ELAVL4: variants seen among roughly 807,000 people sequenced by gnomAD.
The protein encoded by ELAVL4 is ELAV-like protein 4.
In ELAVL4, 1 loss-of-function variant was observed where a neutral mutation model predicts 35.6. The ratio of observed to expected loss-of-function variants is 0.03; its 90% CI spans 0.01 to 0.13. ELAVL4 has a LOEUF of 0.13. Among genes scored for constraint, ELAVL4 ranks in the 10% least tolerant of loss-of-function variants. ELAVL4 has a pLI of 1.00. For missense variants in ELAVL4, 267 were observed against 464.9 expected, an observed-to-expected ratio of 0.57 and a Z score of 3.91; for synonymous variants, 156 against 171.0, an observed-to-expected ratio of 0.91 and a Z score of 0.69.
At chr1:50,143,778 G>T (rs990970724) in intron 1 of ELAVL4, among the ~76,000 whole-genome samples, 3 of 152,104 alleles carry the variant, frequency 2.0e-5, no homozygotes, top group Admixed American at 1.3e-4. Context: ...AGGAAATCCG[G>T]GTGCAGGCCT....
chr1:50,145,484 T>C (rs1200214626), intron 2 of ELAVL4, among the ~76,000 whole-genome samples: 3 of 152,236 alleles, frequency 2.0e-5, no homozygotes, highest in African/African-American at 4.8e-5. Flanking sequence ...CTTTGTTCTA[T>C]AGTTTCCAGT....
intron 1 of ELAVL4, among the ~76,000 whole-genome samples, chr1:50,127,988 G>T (rs188829670): frequency 8.4e-4 from 128 of 152,228 alleles, no homozygotes; most frequent in African/African-American, 2.7e-3. Context: ...AATGTCAAGA[G>T]CCCCCATTGG....
chr1:50,069,543 A>G (rs997149630), intron 1 of ELAVL4, among the ~76,000 whole-genome samples: 1 of 152,132 alleles, frequency 6.6e-6, no homozygotes, highest in African/African-American at 2.4e-5. Context: ...TGTTCAATAA[A>G]TATTTTTTGG....
chr1:50,074,262 G>A (rs367745449), intron 1 of ELAVL4, among the ~76,000 whole-genome samples: 37 of 152,086 alleles, frequency 2.4e-4, no homozygotes, highest in East Asian at 1.7e-3. Context: ...GTCTCTGACC[G>A]GTTCATTATT....
chr1:50,119,910 C>CA (rs1668736134), intron 1 of ELAVL4, among the ~76,000 whole-genome samples: 1 of 151,758 alleles, frequency 6.6e-6, no homozygotes, highest in African/African-American at 2.4e-5. Flanking sequence ...AAAGCTTAGC[C>CA]ACTTGACTAA....
At chr1:50,159,791 G>A (rs757835367) in intron 2 of ELAVL4, among the ~76,000 whole-genome samples, 25 of 152,190 alleles carry the variant, frequency 1.6e-4, no homozygotes, top group Non-Finnish European at 3.4e-4. Flanking sequence ...GGATAAATTT[G>A]AGGGTGGGAG....
chr1:50,053,087 G>C (rs1184586256), intron 1 of ELAVL4, among the ~76,000 whole-genome samples: 1 of 152,154 alleles, frequency 6.6e-6, no homozygotes, highest in African/African-American at 2.4e-5. Flanking sequence ...GTACCAGCTT[G>C]ATACTTGATC....
At chr1:50,198,710 G>A (rs1644213165) in intron 6 of ELAVL4, among the ~76,000 whole-genome samples, 1 of 152,302 alleles carries the variant, frequency 6.6e-6, no homozygotes, top group East Asian at 1.9e-4. Flanking sequence ...AAAGAGAAAT[G>A]CTTATAAATA....
At chr1:50,133,619 G>GAAAGAAAGAAAGAA (rs754147496) in intron 1 of ELAVL4, among the ~76,000 whole-genome samples, 2 of 144,632 alleles carry the variant, frequency 1.4e-5, no homozygotes, top group Non-Finnish European at 3.0e-5. Context: ...AAGAAAGAAA[G>GAAAGAAAGAAAGAA]AAAGAAAGAA....
intron 1 of ELAVL4, among the ~76,000 whole-genome samples, chr1:50,054,433 T>A (rs904721037): frequency 6.6e-6 from 1 of 152,154 alleles, no homozygotes; most frequent in African/African-American, 2.4e-5. Context: ...GAAAATTCCC[T>A]TTTCTGTTTG....
chr1:50,066,065 C>T (rs557197240), intron 1 of ELAVL4, among the ~76,000 whole-genome samples: 2 of 152,242 alleles, frequency 1.3e-5, no homozygotes, highest in Admixed American at 1.3e-4. Flanking sequence ...GATTACATCT[C>T]TTTTAGGAAG....
chr1:50,182,077 C>T (rs777904109), intron 3 of ELAVL4, among the ~76,000 whole-genome samples: 7 of 152,232 alleles, frequency 4.6e-5, no homozygotes, highest in Non-Finnish European at 7.3e-5. Flanking sequence ...CTCCTTGACC[C>T]CACACCTGAT....
At chr1:50,056,105 G>A (rs923265292) in intron 1 of ELAVL4, among the ~76,000 whole-genome samples, 1 of 152,110 alleles carries the variant, frequency 6.6e-6, no homozygotes, top group African/African-American at 2.4e-5. Context: ...ATTTCTGATA[G>A]TAAAGGTCTT....
intron 1 of ELAVL4, among the ~76,000 whole-genome samples, chr1:50,080,352 G>A (rs1357865958): frequency 6.6e-6 from 1 of 152,056 alleles, no homozygotes; most frequent in Non-Finnish European, 1.5e-5. Flanking sequence ...GTCAATTCCA[G>A]GGACTAGCTG....
chr1:50,090,888 C>G (rs909927243), intron 1 of ELAVL4, among the ~76,000 whole-genome samples: 6 of 152,108 alleles, frequency 3.9e-5, no homozygotes, highest in Non-Finnish European at 8.8e-5. Flanking sequence ...CTTGGCAGTC[C>G]CTGCACCGCA....
At chr1:50,085,406 A>G (rs557689125) in intron 1 of ELAVL4, among the ~76,000 whole-genome samples, 10 of 152,308 alleles carry the variant, frequency 6.6e-5, no homozygotes, top group African/African-American at 1.7e-4. Flanking sequence ...TGGGAGGCCA[A>G]GGTAGGAGGA....
intron 1 of ELAVL4, among the ~76,000 whole-genome samples, chr1:50,050,772 A>C (rs1341546653): frequency 6.7e-6 from 1 of 148,824 alleles, no homozygotes; most frequent in Non-Finnish European, 1.5e-5. Context: ...ATGATAATGG[A>C]TATTATAATA....
intron 1 of ELAVL4, among the ~76,000 whole-genome samples, chr1:50,076,517 A>G (rs1488505969): frequency 6.6e-6 from 1 of 152,210 alleles, no homozygotes; most frequent in Non-Finnish European, 1.5e-5. Flanking sequence ...TGTGTTAGGT[A>G]CTATCTCAGT....
intron 1 of ELAVL4, among the ~76,000 whole-genome samples, chr1:50,143,890 C>T (rs1305816718): frequency 4.6e-5 from 7 of 152,096 alleles, no homozygotes; most frequent in Non-Finnish European, 1.0e-4. Context: ...CCCTTATGTG[C>T]CTTCTGGCTC....
Sources: gnomAD v4.1 joint callset for allele counts (sites outside exome capture counted in the v4.1 genomes callset) on GRCh38, gnomAD v4.1.1 for gene constraint, MANE v1.5 for transcripts, NCBI Gene and HGNC (gene_info 2026-07-23, HGNC 2026-07-21) for gene names.